Variants in IL1RAPL2 observed in about 807,000 individuals in gnomAD.
IL1RAPL2 encodes the protein interleukin 1 receptor accessory protein like 2.
IL1RAPL2 carries 3 observed loss-of-function variants against 44.1 expected under a neutral mutation model. The ratio of observed to expected loss-of-function variants is 0.07; its 90% CI spans 0.03 to 0.18. IL1RAPL2 has a LOEUF of 0.18. Among genes scored for constraint, IL1RAPL2 ranks in the 10% least tolerant of loss-of-function variants. The probability of loss-of-function intolerance (pLI) is 1.00; values close to 1 mark genes in which losing one functional copy is unlikely to be tolerated. For synonymous variants in IL1RAPL2, 181 were observed against 178.8 expected (o/e 1.01, Z -0.10); for missense variants, 391 against 496.4 (o/e 0.79, Z 2.02).
chrX:104,715,726 T>C (rs1316510593), intron 2 of IL1RAPL2, among the ~76,000 whole-genome samples: 2 of 107,995 alleles, frequency 1.9e-5, no homozygotes, highest in Non-Finnish European at 3.8e-5. Context: ...TACAGCTAAC[T>C]AGGGAGGTGA....
intron 2 of IL1RAPL2, among the ~76,000 whole-genome samples, chrX:104,891,570 G>A (rs1263698624): frequency 9.0e-6 from 1 of 111,613 alleles, no homozygotes; most frequent in East Asian, 2.8e-4. Context: ...GTAAATGGGA[G>A]TTAACTCATG....
intron 5 of IL1RAPL2, among the ~76,000 whole-genome samples, chrX:105,331,264 A>G (rs749596290): frequency 9.0e-6 from 1 of 111,119 alleles, no homozygotes; most frequent in Non-Finnish European, 1.9e-5. Flanking sequence ...GCCAGAAAAA[A>G]ACCCCACTTC....
intron 2 of IL1RAPL2, among the ~76,000 whole-genome samples, chrX:105,048,871 G>A (rs1181311181): frequency 8.9e-6 from 1 of 112,184 alleles, no homozygotes; most frequent in Non-Finnish European, 1.9e-5. Context: ...ATAACCACAT[G>A]TGGCTAGTGG....
chrX:104,863,597 T>TGAA (rs1392425275), intron 2 of IL1RAPL2, among the ~76,000 whole-genome samples: 2 of 112,044 alleles, frequency 1.8e-5, no homozygotes, highest in Non-Finnish European at 1.9e-5. Context: ...AAGTGTTCTG[T>TGAA]GAAATTGTTT....
chrX:105,741,594 A>G (rs1049480987), intron 8 of IL1RAPL2, among the ~76,000 whole-genome samples: 16 of 111,751 alleles, frequency 1.4e-4, no homozygotes, highest in Non-Finnish European at 2.6e-4. Flanking sequence ...ATACTTGACA[A>G]TGACAAGCAG....
chrX:105,163,745 G>T (rs1211398306), intron 2 of IL1RAPL2, among the ~76,000 whole-genome samples: 2 of 111,056 alleles, frequency 1.8e-5, no homozygotes, highest in African/African-American at 6.5e-5. Flanking sequence ...CTAAGAAGAT[G>T]GTCATTTCAG....
chrX:104,660,582 A>AAT (rs3055132), intron 2 of IL1RAPL2, among the ~76,000 whole-genome samples: 35,173 of 97,287 alleles, frequency 0.36, 5,682 homozygotes, highest in East Asian at 0.6. Flanking sequence ...AAAATATATA[A>AAT]ATATATATAT....
intron 6 of IL1RAPL2, among the ~76,000 whole-genome samples, chrX:105,490,285 C>G (rs2036306816): frequency 8.9e-6 from 1 of 112,173 alleles, no homozygotes; most frequent in Non-Finnish European, 1.9e-5. Flanking sequence ...AGTAGAACAT[C>G]CAAGCTAATT....
At chrX:105,411,597 T>C (rs1453367571) in intron 5 of IL1RAPL2, among the ~76,000 whole-genome samples, 1 of 111,297 alleles carries the variant, frequency 9.0e-6, no homozygotes, top group African/African-American at 3.3e-5. Context: ...GATAAAGGGA[T>C]CAATTCAACA....
intron 8 of IL1RAPL2, among the ~76,000 whole-genome samples, chrX:105,747,362 A>C (rs2038551987): frequency 9.7e-6 from 1 of 103,139 alleles, no homozygotes; most frequent in Non-Finnish European, 2.0e-5. Context: ...TCCTTTTTCT[A>C]TCCTTCCCCC....
At chrX:104,894,262 T>G (rs1339567486) in intron 2 of IL1RAPL2, among the ~76,000 whole-genome samples, 2 of 111,629 alleles carry the variant, frequency 1.8e-5, no homozygotes, top group East Asian at 5.7e-4. Flanking sequence ...ATTTTGTGTC[T>G]TGGAGTTGCT....
intron 2 of IL1RAPL2, among the ~76,000 whole-genome samples, chrX:104,912,690 A>G (rs1442312928): frequency 3.6e-5 from 4 of 111,943 alleles, no homozygotes; most frequent in African/African-American, 1.3e-4. Flanking sequence ...AGCTGATGAC[A>G]TTAACTTATC....
intron 5 of IL1RAPL2, among the ~76,000 whole-genome samples, chrX:105,443,854 A>C (rs2035937084): frequency 8.9e-6 from 1 of 112,083 alleles, no homozygotes; most frequent in African/African-American, 3.2e-5. Flanking sequence ...GGGGGTATGT[A>C]CACAGCAGTG....
In IL1RAPL2 at chrX:104,689,197, A is replaced by G. The variant is rs139355166; in HGVS notation, c.82+30202A>G. 2.8e-4 allele frequency among the ~76,000 whole-genome samples: 31 copies of G among 112,208 alleles called. No homozygotes were observed. In the East Asian group the frequency reaches 8.7e-3, roughly 32 times the overall value. On this transcript the variant is annotated intron_variant, in intron 2 of 10. Transcript: ENST00000372582. Reference sequence around the variant, plus strand: ...TCTGATCTTTCTTGTTACTTATGTAACACATTTTCATTGCTACCAAGCAGG... The same window carrying G: ...TCTGATCTTTCTTGTTACTTATGTAGCACATTTTCATTGCTACCAAGCAGG...
At chrX:105,204,291 C>T (rs1392261214) in intron 3 of IL1RAPL2, among the ~76,000 whole-genome samples, 2 of 111,513 alleles carry the variant, frequency 1.8e-5, no homozygotes, top group African/African-American at 6.5e-5. Flanking sequence ...AAAAAATGCA[C>T]TGATCAGTAT....
intron 2 of IL1RAPL2, among the ~76,000 whole-genome samples, chrX:105,065,202 C>A (rs2147534516): frequency 9.0e-6 from 1 of 111,444 alleles, no homozygotes; most frequent in South Asian, 3.8e-4. Flanking sequence ...CTAGAAGGGT[C>A]CACCACATCG....
chrX:105,254,446 G>A (rs1248486970), intron 4 of IL1RAPL2, among the ~76,000 whole-genome samples: 1 of 111,922 alleles, frequency 8.9e-6, no homozygotes, highest in Non-Finnish European at 1.9e-5. Context: ...ATAGATGCTG[G>A]ATATTAGACC....
intron 5 of IL1RAPL2, among the ~76,000 whole-genome samples, chrX:105,385,531 C>T (rs764310008): frequency 9.1e-6 from 1 of 109,992 alleles, no homozygotes; most frequent in Admixed American, 9.8e-5. Flanking sequence ...TTTTAAAAAT[C>T]CAGGTATGAG....
rs984039786 is a variant in IL1RAPL2 at position 105,734,886 on chromosome X, T to C, written c.903-5660T>C. ...ATATAGGTCTCATGGTGTTTTTAACTCTCAAGATAGTTCATGGTGGGTCTC... is the reference window on the plus strand; with the variant it reads ...ATATAGGTCTCATGGTGTTTTTAACCCTCAAGATAGTTCATGGTGGGTCTC... On this transcript the variant is annotated intron_variant, in intron 7 of 10. Coordinates refer to ENST00000372582, the MANE Select transcript of IL1RAPL2 (RefSeq NM_017416.2). 6.3e-5 allele frequency among the ~76,000 whole-genome samples: 7 copies of C among 111,476 alleles called. No individual in the cohort carries two copies. In the Admixed American group the frequency reaches 6.7e-4, roughly 11 times the overall value.
Sources: gnomAD v4.1 joint callset for allele counts (sites outside exome capture counted in the v4.1 genomes callset) on GRCh38, gnomAD v4.1.1 for gene constraint, MANE v1.5 for transcripts, NCBI Gene and HGNC (gene_info 2026-07-23, HGNC 2026-07-21) for gene names.